SLC8A1: variants seen among roughly 807,000 people sequenced by gnomAD.
The protein encoded by SLC8A1 is solute carrier family 8 member A1.
Under a neutral mutation model 68.3 loss-of-function variants are expected in SLC8A1, and 18 were observed. That is an observed-to-expected ratio of 0.26 (90% CI 0.18 to 0.39). SLC8A1 has a LOEUF of 0.39. Ranked by LOEUF, SLC8A1 falls within the 10% of genes least tolerant of loss-of-function variation. The pLI, the probability that SLC8A1 is intolerant of heterozygous loss-of-function variation, is 1.00. For missense variants in SLC8A1, 985 were observed against 1,156.7 expected, an observed-to-expected ratio of 0.85 and a Z score of 2.15; for synonymous variants, 475 against 415.5, an observed-to-expected ratio of 1.14 and a Z score of -1.74.
At chr2:40,374,394 T>TA (rs1460656727) in intron 2 of SLC8A1, among the ~76,000 whole-genome samples, 2 of 151,312 alleles carry the variant, frequency 1.3e-5, no homozygotes, top group Non-Finnish European at 2.9e-5. Flanking sequence ...AAACAAAATT[T>TA]AAAAAAGAAA....
intron 2 of SLC8A1, among the ~76,000 whole-genome samples, chr2:40,286,078 C>T (rs1396127694): frequency 6.6e-6 from 1 of 152,138 alleles, no homozygotes; most frequent in Non-Finnish European, 1.5e-5. Context: ...CTGCTCAGTA[C>T]CCAGTGCCTA....
chr2:40,273,649 C>T (rs1312185475), intron 2 of SLC8A1, among the ~76,000 whole-genome samples: 1 of 152,170 alleles, frequency 6.6e-6, no homozygotes, highest in Non-Finnish European at 1.5e-5. Flanking sequence ...ACTCATACCT[C>T]TCCACGTTTT....
chr2:40,270,154 T>TGA (rs1406501449), intron 2 of SLC8A1, among the ~76,000 whole-genome samples: 1 of 152,210 alleles, frequency 6.6e-6, no homozygotes, highest in African/African-American at 2.4e-5. Context: ...ACTGTGTCTA[T>TGA]GAGACAATTC....
chr2:40,129,826 GATAGA>G (rs1342792238), intron 7 of SLC8A1, among the ~76,000 whole-genome samples: 1 of 152,206 alleles, frequency 6.6e-6, no homozygotes, highest in Non-Finnish European at 1.5e-5. Context: ...AGAAGGCCTA[GATAGA>G]ATAGAATAAA....
intron 2 of SLC8A1, among the ~76,000 whole-genome samples, chr2:40,330,831 C>T (rs900585450): frequency 3.3e-5 from 5 of 152,128 alleles, no homozygotes; most frequent in Admixed American, 3.3e-4. Flanking sequence ...TGACAAATGG[C>T]AAGATTTACT....
intron 2 of SLC8A1, among the ~76,000 whole-genome samples, chr2:40,193,013 T>G (rs545266422): frequency 4.3e-4 from 66 of 152,288 alleles, no homozygotes; most frequent in African/African-American, 1.5e-3. Flanking sequence ...CCCGTGACAG[T>G]GAGCACAGTG....
At chr2:40,361,175 C>G (rs574046676) in intron 2 of SLC8A1, among the ~76,000 whole-genome samples, 6 of 152,208 alleles carry the variant, frequency 3.9e-5, no homozygotes, top group African/African-American at 1.4e-4. Flanking sequence ...GACCCTTGTT[C>G]ATGAATGGAG....
intron 2 of SLC8A1, among the ~76,000 whole-genome samples, chr2:40,234,036 G>T (rs2060033229): frequency 6.6e-6 from 1 of 152,234 alleles, no homozygotes; most frequent in Admixed American, 6.5e-5. Context: ...GTAGCGTGAT[G>T]CCTCCAGCTT....
At position 40,414,936 on chromosome 2, in the gene SLC8A1, A is replaced by G. The variant is rs76805180; in HGVS notation, c.1808+13537T>C. Among the ~76,000 whole-genome samples, 1,322 of 152,332 alleles carry G rather than the reference A, an allele frequency of 8.7e-3. 50 individuals are homozygous for G. The highest frequency in any genetic ancestry group is 0.062 in the Admixed American group (955 of 15,298). On this transcript the variant is annotated intron_variant, in intron 2 of 7. Transcript: ENST00000406785. Reference sequence around the variant, plus strand: ...CCAGAGAAAACTCTTTGCAGTTGGCAATATTGGGAAAGAAGGCCACAGACA... The same window carrying G: ...CCAGAGAAAACTCTTTGCAGTTGGCGATATTGGGAAAGAAGGCCACAGACA...
chr2:40,296,409 AG>A (rs922010897), intron 2 of SLC8A1, among the ~76,000 whole-genome samples: 1 of 152,178 alleles, frequency 6.6e-6, no homozygotes, highest in Non-Finnish European at 1.5e-5. Context: ...TAGGGCAAAC[AG>A]AAAAAAGTCA....
intron 2 of SLC8A1, among the ~76,000 whole-genome samples, chr2:40,218,372 G>C (rs1335750465): frequency 1.3e-5 from 2 of 152,140 alleles, no homozygotes; most frequent in Non-Finnish European, 2.9e-5. Flanking sequence ...AAACTAGGCA[G>C]CTAGAAAGAC....
chr2:40,188,204 A>G (rs965852376), intron 2 of SLC8A1, among the ~76,000 whole-genome samples: 6 of 152,240 alleles, frequency 3.9e-5, no homozygotes, highest in African/African-American at 1.4e-4. Flanking sequence ...CTTATTAGTT[A>G]ACATTCTTAT....
chr2:40,280,162 T>C (rs34583453), intron 2 of SLC8A1, among the ~76,000 whole-genome samples: 4,080 of 148,412 alleles, frequency 0.027, 71 homozygotes, highest in Non-Finnish European at 0.039. Context: ...TGAATATTGA[T>C]AGTGTAAACC....
At chr2:40,200,190 A>T (rs1339555099) in intron 2 of SLC8A1, among the ~76,000 whole-genome samples, 2 of 16,490 alleles carry the variant, frequency 1.2e-4, no homozygotes, top group African/African-American at 3.2e-4. Flanking sequence ...ATATATATAT[A>T]TTTATATATA....
chr2:40,312,510 A>T (rs538663591), intron 2 of SLC8A1, among the ~76,000 whole-genome samples: 36 of 152,206 alleles, frequency 2.4e-4, no homozygotes, highest in Admixed American at 2.0e-3. Context: ...CAAATTATAA[A>T]AGTATAAAGG....
rs150214968 is a variant in SLC8A1 at position 40,318,649 on chromosome 2, C to G, written c.1808+109824G>C. 4.1e-3 allele frequency among the ~76,000 whole-genome samples: 621 copies of G among 152,122 alleles called. 4 individuals are homozygous for G. Among genetic ancestry groups the G allele is most frequent in the African/African-American group, 0.014 (576 of 41,516 alleles). ...CCCTATAAATGTAGACCGTTGCTGT[C>G]TAAGTAGAACCTAGAGATATTTTAC... On this transcript the variant is annotated intron_variant, in intron 2 of 7. Transcript: ENST00000406785.
intron 2 of SLC8A1, among the ~76,000 whole-genome samples, chr2:40,300,948 T>C (rs1408523190): frequency 2.0e-5 from 3 of 152,168 alleles, no homozygotes; most frequent in African/African-American, 7.2e-5. Flanking sequence ...TAATAATCTA[T>C]ACGTAATTGT....
At chr2:40,300,224 A>G (rs1445023409) in intron 2 of SLC8A1, among the ~76,000 whole-genome samples, 2 of 152,198 alleles carry the variant, frequency 1.3e-5, no homozygotes, top group Non-Finnish European at 2.9e-5. Context: ...CCAAGTATAT[A>G]CTAAGTATAT....
chr2:40,255,967 T>C lies in SLC8A1; in HGVS notation c.1809-78112A>G, dbSNP rs549266601. On this transcript the variant is annotated intron_variant, in intron 2 of 7. Transcript: ENST00000406785. ...AAGTGAATAACTGAATTTAGGGCCA[T>C]GGTACAGAGGTGTCAGTCTGCAAAC... 7.4e-4 allele frequency among the ~76,000 whole-genome samples: 113 copies of C among 152,266 alleles called. 1 individual carries two copies. Among genetic ancestry groups the C allele is most frequent in the African/African-American group, 2.7e-3 (111 of 41,544 alleles).
Sources: gnomAD v4.1 joint callset for allele counts (sites outside exome capture counted in the v4.1 genomes callset) on GRCh38, gnomAD v4.1.1 for gene constraint, MANE v1.5 for transcripts, NCBI Gene and HGNC (gene_info 2026-07-23, HGNC 2026-07-21) for gene names.